NRG1: variants seen among roughly 807,000 people sequenced by gnomAD.
NRG1 encodes the protein neuregulin 1.
In NRG1, 18 loss-of-function variants were observed where a neutral mutation model predicts 63.8. That is an observed-to-expected ratio of 0.28 (90% confidence interval 0.19 to 0.42). NRG1 has a LOEUF of 0.42. NRG1 is among the 10% of genes least tolerant of loss of function. The pLI is 1.00. For synonymous variants in NRG1, 302 were observed against 301.3 expected, an observed-to-expected ratio of 1.00 and a Z score of -0.02; for missense variants, 762 against 814.7, an observed-to-expected ratio of 0.94 and a Z score of 0.79.
rs1284673638 is a variant in NRG1, at chr8:32,176,276, T to C, written c.38-419552T>C. On this transcript the variant is annotated intron_variant, in intron 1 of 10. Coordinates refer to the NRG1 transcript ENST00000519301. Reference sequence around the variant, plus strand: ...GTGCTGGGAAAACTGGCTAGCCATATGTAGAAAGCTGAAACTGGATCCCTT... The same window carrying C: ...GTGCTGGGAAAACTGGCTAGCCATACGTAGAAAGCTGAAACTGGATCCCTT... 2.6e-5 allele frequency among the ~76,000 whole-genome samples: 4 copies of C among 152,192 alleles called. No homozygotes were observed. In the East Asian group the frequency reaches 7.7e-4, roughly 29 times the overall value.
chr8:32,424,220 C>T (rs1019413371), intron 1 of NRG1, among the ~76,000 whole-genome samples: 4 of 152,068 alleles, frequency 2.6e-5, no homozygotes, highest in Admixed American at 6.6e-5. Flanking sequence ...CTTGTATGAC[C>T]TTTGCTTTCC....
chr8:31,707,420 C>A (rs949066752), intron 1 of NRG1, among the ~76,000 whole-genome samples: 9 of 152,052 alleles, frequency 5.9e-5, no homozygotes, highest in Admixed American at 4.6e-4. Context: ...TTCTAAACTA[C>A]CTTTAATAAC....
At chr8:31,737,841 C>T (rs778449713) in intron 1 of NRG1, among the ~76,000 whole-genome samples, 13 of 152,132 alleles carry the variant, frequency 8.5e-5, no homozygotes, top group South Asian at 4.1e-4. Context: ...AAACATTGCT[C>T]GCTGGCCTTT....
intron 1 of NRG1, among the ~76,000 whole-genome samples, chr8:32,355,648 CAG>C (rs555068714): frequency 7.0e-6 from 1 of 143,730 alleles, no homozygotes; most frequent in African/African-American, 2.6e-5. Flanking sequence ...AGAAAAAAGA[CAG>C]GGATGGAGAA....
intron 1 of NRG1, among the ~76,000 whole-genome samples, chr8:32,110,137 T>C (rs1831817242): frequency 6.6e-6 from 1 of 152,192 alleles, no homozygotes; most frequent in African/African-American, 2.4e-5. Context: ...AAAATCTTGC[T>C]AGAAATCATT....
chr8:32,239,354 T>A (rs897958860), intron 1 of NRG1, among the ~76,000 whole-genome samples: 5 of 148,890 alleles, frequency 3.4e-5, no homozygotes, highest in Non-Finnish European at 7.4e-5. Context: ...ATTTCTCACA[T>A]CTTATACAGA....
chr8:31,921,214 T>A (rs566277977), intron 1 of NRG1, among the ~76,000 whole-genome samples: 1 of 152,168 alleles, frequency 6.6e-6, no homozygotes, highest in East Asian at 1.9e-4. Context: ...TAAGTGAAAA[T>A]CTCGGTATTT....
chr8:31,946,352 T>A (rs1325876259), intron 1 of NRG1, among the ~76,000 whole-genome samples: 1 of 152,132 alleles, frequency 6.6e-6, no homozygotes, highest in East Asian at 1.9e-4. Context: ...AGACTCAGAA[T>A]CTCTATGGCT....
chr8:32,500,546 A>C (rs972808820), intron 1 of NRG1, among the ~76,000 whole-genome samples: 11 of 152,356 alleles, frequency 7.2e-5, no homozygotes, highest in Admixed American at 1.3e-4. Flanking sequence ...CACTGCAGTC[A>C]AAGCCTTAGT....
intron 1 of NRG1, among the ~76,000 whole-genome samples, chr8:31,726,144 A>G (rs559871512): frequency 4.6e-4 from 70 of 152,320 alleles, no homozygotes; most frequent in African/African-American, 1.5e-3. Flanking sequence ...CCTATTAAAA[A>G]AAGGGGAAAA....
chr8:31,907,054 T>C (rs911169652), intron 1 of NRG1, among the ~76,000 whole-genome samples: 6 of 152,180 alleles, frequency 3.9e-5, no homozygotes, highest in African/African-American at 1.4e-4. Flanking sequence ...AGAGCACTTA[T>C]ATGCAAAGTA....
chr8:32,044,611 G>A (rs889413356), intron 1 of NRG1, among the ~76,000 whole-genome samples: 3 of 151,614 alleles, frequency 2.0e-5, no homozygotes, highest in African/African-American at 4.8e-5. Flanking sequence ...CACAAAATAT[G>A]TTTTTTGTCC....
chr8:32,260,322 T>C (rs1412972787), intron 1 of NRG1, among the ~76,000 whole-genome samples: 4 of 152,226 alleles, frequency 2.6e-5, no homozygotes, highest in East Asian at 3.8e-4. Context: ...TGAAGTCTTA[T>C]GTAGCAACAG....
At chr8:32,669,557 A>G (rs1251611417) in intron 5 of NRG1, among the ~76,000 whole-genome samples, 2 of 152,214 alleles carry the variant, frequency 1.3e-5, no homozygotes, top group African/African-American at 4.8e-5. Context: ...TAAGTAAAGT[A>G]AGATTGGAGC....
At chr8:32,440,355 T>A (rs1489800451) in intron 1 of NRG1, among the ~76,000 whole-genome samples, 1 of 152,090 alleles carries the variant, frequency 6.6e-6, no homozygotes, top group African/African-American at 2.4e-5. Flanking sequence ...AGTGTCACTA[T>A]GTTTTGTTTC....
intron 1 of NRG1, among the ~76,000 whole-genome samples, chr8:32,172,285 CCTGA>C (rs1223070843): frequency 6.6e-6 from 1 of 152,190 alleles, no homozygotes; most frequent in Non-Finnish European, 1.5e-5. Flanking sequence ...AGCTGTGGGT[CCTGA>C]CTGTTAGAAG....
intron 1 of NRG1, among the ~76,000 whole-genome samples, chr8:32,375,318 G>A (rs1809481728): frequency 6.6e-6 from 1 of 152,104 alleles, no homozygotes; most frequent in Admixed American, 6.6e-5. Flanking sequence ...GTGGTACTCT[G>A]TGGTGAGAAA....
intron 1 of NRG1, among the ~76,000 whole-genome samples, chr8:32,195,071 G>A (rs1356247880): frequency 6.6e-6 from 1 of 152,026 alleles, no homozygotes; most frequent in East Asian, 1.9e-4. Context: ...GCATTTTCAG[G>A]AACACTTCAG....
intron 1 of NRG1, among the ~76,000 whole-genome samples, chr8:32,216,394 C>T (rs1267515875): frequency 6.7e-6 from 1 of 148,356 alleles, no homozygotes; most frequent in Non-Finnish European, 1.5e-5. Context: ...ATAGAAATGG[C>T]AGCAGAGTAT....
Sources: gnomAD v4.1 joint callset for allele counts (sites outside exome capture counted in the v4.1 genomes callset) on GRCh38, gnomAD v4.1.1 for gene constraint, MANE v1.5 for transcripts, NCBI Gene and HGNC (gene_info 2026-07-23, HGNC 2026-07-21) for gene names.